The following SLC4A1 variants were observed in gnomAD, a reference collection of about 807,000 sequenced individuals.
The protein encoded by SLC4A1 is band 3 anion transport protein.
In SLC4A1, 29 loss-of-function variants were observed where a neutral mutation model predicts 93.1. That is an observed-to-expected ratio of 0.31 (90% CI 0.23 to 0.42). The LOEUF (loss-of-function observed/expected upper bound fraction) is 0.42. Ranked by LOEUF, SLC4A1 falls within the 20% of genes least tolerant of loss-of-function variation. The probability of loss-of-function intolerance (pLI) is 1.00; values close to 1 mark genes in which losing one functional copy is unlikely to be tolerated. For synonymous variants in SLC4A1, 469 were observed against 497.2 expected (o/e 0.94, Z 0.76); for missense variants, 965 against 1,190.1 (o/e 0.81, Z 2.78).
chr17:44,264,258 G>A (rs72824707), intron 1 of SLC4A1, among the ~76,000 whole-genome samples: 131 of 152,244 alleles, frequency 8.6e-4, no homozygotes, highest in Non-Finnish European at 1.6e-3. Flanking sequence ...TCAGGAGTCC[G>A]AGACCAACTG....
intron 15 of SLC4A1, 58 bp from the exon 16 acceptor site, chr17:44,254,720 A>G: frequency 5.1e-6 from 8 of 1,554,158 alleles, no homozygotes; most frequent in Non-Finnish European, 7.1e-6. Flanking sequence ...GAAGGGTGGG[A>G]GCAGGAGGAG....
At chr17:44,255,876 T>G in intron 13 of SLC4A1, 30 bp from the exon 14 acceptor site, 1 of 1,613,334 alleles carries the variant, frequency 6.2e-7, no homozygotes, top group Non-Finnish European at 8.5e-7. Context: ...CATTCTGTTC[T>G]CTCCCAGCTT....
rs573764217 is a variant in SLC4A1, at chr17:44,249,847, C to G, written c.*611G>C. On this transcript the variant is annotated 3_prime_UTR_variant, in exon 20 of 20. Coordinates refer to ENST00000262418, the MANE Select transcript of SLC4A1 (RefSeq NM_000342.4). ...GAGGACAGAGCTCGGACCTTGAAATCAGAAGGCCTGGTTCAAATCCCAGCT... is the reference window on the plus strand; with the variant it reads ...GAGGACAGAGCTCGGACCTTGAAATGAGAAGGCCTGGTTCAAATCCCAGCT... 6.4e-6 allele frequency: 1 copy of G among 156,508 alleles called. No individual in the cohort carries two copies. The highest frequency in any genetic ancestry group is 2.4e-5 in the African/African-American group (1 of 41,554). 9.7% of individuals were successfully genotyped at this position (156,508 alleles called of 1,614,324 possible).
At chr17:44,261,517 T>C in intron 4 of SLC4A1, 58 bp downstream of exon 4, 1 of 1,613,894 alleles carries the variant, frequency 6.2e-7, no homozygotes, top group Non-Finnish European at 8.5e-7. Context: ...TCTTCCCTGA[T>C]CAAATGGTGG....
Position 44,262,527 on chromosome 17 carries a change from C to T in SLC4A1, c.106+109G>A, listed in dbSNP as rs113375808. 1,427 of 781,840 alleles carry T rather than the reference C, an allele frequency of 1.8e-3. 20 individuals are homozygous for T. The highest frequency in any genetic ancestry group is 0.011 in the South Asian group (724 of 63,944). The allele number at this position is 781,840 out of a possible 1,614,324, so 48.4% of individuals were successfully genotyped here. A position where few individuals can be genotyped will look rare whatever the true frequency, so the allele number is the denominator to read the frequency against. On this transcript the variant is annotated intron_variant, in intron 3 of 19. Coordinates refer to ENST00000262418, the MANE Select transcript of SLC4A1 (RefSeq NM_000342.4). ...AGCCAGAATTGAGGGGAGAACGGCC[C>T]GTGGTGCTTGGGAGGAGGACTGTGG...
Position 44,251,323 on chromosome 17 carries a change from A to G in SLC4A1, c.2491T>C (p.Trp831Arg), listed in dbSNP as rs373517146. 80 of 1,614,118 alleles carry G rather than the reference A, an allele frequency of 5.0e-5. No homozygotes were observed. The highest frequency in any genetic ancestry group is 6.1e-5 in the Non-Finnish European group (72 of 1,180,054). ...DVPYVKRVKT[W>R]RMHLFTGIQI... ...ATGCCCGTGAATAAGTGCATGCGCC[A>G]GGTCTTCACCTGCAGGCGGAGGCTG... Residue 831 changes from tryptophan to arginine, a missense_variant, in exon 19 of 20, where the codon TGG (tryptophan) becomes CGG (arginine). By Grantham distance (101) the Trp-to-Arg change is moderately radical. Coordinates refer to ENST00000262418, the MANE Select transcript of SLC4A1 (RefSeq NM_000342.4).
chr17:44,260,903 G>T (rs1231360334), intron 4 of SLC4A1, 88 bp from the exon 5 acceptor site: 17 of 1,460,566 alleles, frequency 1.2e-5, no homozygotes, highest in Non-Finnish European at 1.6e-5. Context: ...GCTTGTGCTT[G>T]TGAGGCTTGG....
chr17:44,254,545 G>C lies in SLC4A1; in HGVS notation c.2008C>G (p.Pro670Ala), dbSNP rs199929662. The change falls in exon 16 of 20, where the codon CCT (proline) becomes GCT (alanine). Residue 670 changes from proline (P) to alanine (A), a missense_variant. By Grantham distance (27) the Pro-to-Ala change is conservative. This residue lies in a region of SLC4A1 where 770 missense variants were observed against 1,006.6 expected (regional missense o/e 0.76). Transcript: ENST00000262418. ...PIWMMFASALPALLVFILIFL... is the reference protein window; with the variant it reads ...PIWMMFASALAALLVFILIFL... The stretch of plus-strand genomic sequence containing the variant: ...ATGAGGATGAAGACCAGCAGAGCAG[G>C]CAGGGCGGAGGCAAACATCATCCAG... 121 of 1,614,118 alleles carry C rather than the reference G, an allele frequency of 7.5e-5. No homozygotes were observed. The highest frequency in any genetic ancestry group is 1.0e-4 in the Non-Finnish European group (118 of 1,180,010).
At chr17:44,251,729 T>TTTG in intron 17 of SLC4A1, 141 bp from the exon 18 acceptor site, 3 of 659,614 alleles carry the variant, frequency 4.5e-6, no homozygotes, top group Non-Finnish European at 4.9e-6. Flanking sequence ...TCTTTTTTTT[T>TTTG]TTTTTTTTTT....
intron 9 of SLC4A1, 144 bp downstream of exon 9, chr17:44,259,019 C>T: frequency 1.1e-6 from 1 of 883,914 alleles, no homozygotes; most frequent in African/African-American, 1.7e-5. Flanking sequence ...ACTGCCCCCG[C>T]CAGGTAGGAT....
At chr17:44,265,904 C>G (rs1051767230) in intron 1 of SLC4A1, among the ~76,000 whole-genome samples, 1 of 151,526 alleles carries the variant, frequency 6.6e-6, no homozygotes, top group Non-Finnish European at 1.5e-5. Flanking sequence ...TCCCTTGAAC[C>G]AGGGGGCAGA....
intron 1 of SLC4A1, among the ~76,000 whole-genome samples, chr17:44,265,552 T>C (rs546322908): frequency 6.6e-6 from 1 of 152,174 alleles, no homozygotes; most frequent in South Asian, 2.1e-4. Flanking sequence ...TGTATTTTTT[T>C]AGTAGAGACG....
At chr17:44,256,958 GCA>G (rs1164515564) in intron 13 of SLC4A1, among the ~76,000 whole-genome samples, 1 of 151,636 alleles carries the variant, frequency 6.6e-6, no homozygotes, top group African/African-American at 2.4e-5. Context: ...CACAAATGCT[GCA>G]CAGACACATG....
chr17:44,266,786 C>T (rs760422763), intron 1 of SLC4A1, among the ~76,000 whole-genome samples: 1 of 152,100 alleles, frequency 6.6e-6, no homozygotes, highest in African/African-American at 2.4e-5. Context: ...GGCCAGCTAG[C>T]CAGCTGGCCA....
intron 16 of SLC4A1, 85 bp from the exon 17 acceptor site, chr17:44,253,456 G>T: frequency 6.5e-7 from 1 of 1,530,008 alleles, no homozygotes; most frequent in Non-Finnish European, 8.8e-7. Flanking sequence ...TGGTGTCCTT[G>T]TAGCTCAGTT....
intron 17 of SLC4A1, 86 bp downstream of exon 17, chr17:44,253,032 G>T (rs547470624): frequency 7.2e-5 from 103 of 1,426,496 alleles, no homozygotes; most frequent in South Asian, 2.8e-4. Flanking sequence ...TGGAGGAGGT[G>T]CTGGGTCCGA....
chr17:44,253,256 T>G lies in SLC4A1; in HGVS notation c.2173A>C (p.Ser725Arg), dbSNP rs2047358744. The G allele has an allele frequency of 2.5e-6, 4 of 1,614,014 alleles. No individual in the cohort carries two copies. In the South Asian group the frequency reaches 4.4e-5, roughly 18 times the overall value. ...VAALFGMPWL[S>R]ATTVRSVTHA... is the part of the protein sequence containing the mutation. The stretch of plus-strand genomic sequence containing the variant: ...GTGACGGAACGCACGGTGGTGGCAC[T>G]GAGCCAGGGCATCCCAAAGAGGGCG... Residue 725 changes from serine to arginine, a missense_variant, in exon 17 of 20, where the codon AGT (serine) becomes CGT (arginine). Ser to Arg is a moderately radical substitution (Grantham distance 110). Coordinates refer to ENST00000262418, the MANE Select transcript of SLC4A1 (RefSeq NM_000342.4).
At chr17:44,265,374 T>G (rs1030921837) in intron 1 of SLC4A1, among the ~76,000 whole-genome samples, 6 of 150,264 alleles carry the variant, frequency 4.0e-5, no homozygotes, top group African/African-American at 1.5e-4. Flanking sequence ...CACAGGTGAG[T>G]TTTTCTTGTT....
intron 1 of SLC4A1, among the ~76,000 whole-genome samples, chr17:44,264,727 C>T (rs923963186): frequency 2.6e-5 from 4 of 152,098 alleles, no homozygotes; most frequent in Non-Finnish European, 5.9e-5. Flanking sequence ...AGCCAAGAGG[C>T]CTCTGAGCTC....
Sources: allele counts gnomAD v4.1 joint callset (sites outside exome capture counted in the v4.1 genomes callset), GRCh38; gene constraint gnomAD v4.1.1; regional missense constraint gnomAD v4.1.1; transcripts MANE v1.5; gene names NCBI Gene and HGNC (gene_info 2026-07-23, HGNC 2026-07-21).